The following BRINP3 variants were observed in gnomAD, a reference collection of about 807,000 sequenced individuals.
BRINP3 encodes BMP/retinoic acid inducible neural specific 3, also known as BMP/retinoic acid-inducible neural-specific protein 3.
BRINP3 carries 19 observed loss-of-function variants against 71.0 expected under a neutral mutation model. That is an observed-to-expected ratio of 0.27 (90% CI 0.19 to 0.39). BRINP3 has a LOEUF of 0.39. Ranked by LOEUF, BRINP3 falls within the 10% of genes least tolerant of loss-of-function variation. The pLI is 1.00. For synonymous variants in BRINP3, 380 were observed against 337.7 expected, an observed-to-expected ratio of 1.13 and a Z score of -1.37; for missense variants, 959 against 940.8, an observed-to-expected ratio of 1.02 and a Z score of -0.25.
At chr1:190,146,926 C>A (rs1655938518) in intron 7 of BRINP3, among the ~76,000 whole-genome samples, 1 of 151,884 alleles carries the variant, frequency 6.6e-6, no homozygotes, top group Non-Finnish European at 1.5e-5. Context: ...TTTTTCCATT[C>A]AGAAAACGAG....
chr1:190,159,955 G>C (rs1307658382), intron 7 of BRINP3, among the ~76,000 whole-genome samples: 1 of 151,822 alleles, frequency 6.6e-6, no homozygotes, highest in Admixed American at 6.6e-5. Context: ...TAAGCACCAA[G>C]TCAAAATTCA....
intron 7 of BRINP3, among the ~76,000 whole-genome samples, chr1:190,137,981 T>A (rs1655115679): frequency 6.7e-6 from 1 of 150,212 alleles, no homozygotes; most frequent in African/African-American, 2.5e-5. Context: ...TTAGATGGAG[T>A]TTTGCTCTTT....
intron 6 of BRINP3, among the ~76,000 whole-genome samples, chr1:190,208,405 G>A (rs1444153996): frequency 6.6e-6 from 1 of 152,046 alleles, no homozygotes; most frequent in Admixed American, 6.6e-5. Context: ...AAGCAGGTAA[G>A]GGTTTTCCTT....
At chr1:190,154,629 G>GA (rs1656705250) in intron 7 of BRINP3, among the ~76,000 whole-genome samples, 1 of 152,044 alleles carries the variant, frequency 6.6e-6, no homozygotes, top group Non-Finnish European at 1.5e-5. Context: ...AAAACAGAAA[G>GA]AAATGTTTTC....
intron 5 of BRINP3, among the ~76,000 whole-genome samples, chr1:190,229,577 G>C (rs1213495495): frequency 6.6e-6 from 1 of 151,136 alleles, no homozygotes; most frequent in Non-Finnish European, 1.5e-5. Context: ...CCATGACAGA[G>C]ATAGTAACTT....
At chr1:190,200,467 G>C (rs1388794246) in intron 6 of BRINP3, among the ~76,000 whole-genome samples, 1 of 152,068 alleles carries the variant, frequency 6.6e-6, no homozygotes, top group Non-Finnish European at 1.5e-5. Flanking sequence ...TGGTGTCAAA[G>C]AACCTCACTA....
intron 7 of BRINP3, among the ~76,000 whole-genome samples, chr1:190,155,768 T>C (rs969866115): frequency 2.6e-5 from 4 of 152,012 alleles, no homozygotes; most frequent in Non-Finnish European, 5.9e-5. Flanking sequence ...AGTATAGCAC[T>C]TCCCCCCTAG....
intron 7 of BRINP3, among the ~76,000 whole-genome samples, chr1:190,148,985 C>CTCTG (rs1656156085): frequency 6.6e-6 from 1 of 152,158 alleles, no homozygotes; most frequent in Admixed American, 6.5e-5. Context: ...TGGACTCTAG[C>CTCTG]TCTGCCACCA....
chr1:190,164,861 C>T (rs1370047853), intron 6 of BRINP3, among the ~76,000 whole-genome samples: 1 of 151,990 alleles, frequency 6.6e-6, no homozygotes, highest in Non-Finnish European at 1.5e-5. Context: ...GTATGACCTA[C>T]AGTGCCTGGC....
intron 2 of BRINP3, among the ~76,000 whole-genome samples, chr1:190,352,025 A>AT (rs912242648): frequency 2.0e-5 from 3 of 151,888 alleles, no homozygotes; most frequent in African/African-American, 7.2e-5. Flanking sequence ...GTAAATCTTT[A>AT]TTTTTTTCTG....
intron 6 of BRINP3, among the ~76,000 whole-genome samples, chr1:190,177,901 A>G (rs1358474125): frequency 6.6e-6 from 1 of 152,220 alleles, no homozygotes; most frequent in South Asian, 2.1e-4. Flanking sequence ...TGTACTGTAC[A>G]TGTACAAACT....
chr1:190,134,299 T>C (rs912213183), intron 7 of BRINP3, among the ~76,000 whole-genome samples: 2 of 152,056 alleles, frequency 1.3e-5, no homozygotes, highest in Non-Finnish European at 2.9e-5. Flanking sequence ...TGCAGATGCC[T>C]CGGCTTGGCA....
chr1:190,322,642 AC>A (rs1571744446), intron 2 of BRINP3, among the ~76,000 whole-genome samples: 1 of 152,010 alleles, frequency 6.6e-6, no homozygotes, highest in South Asian at 2.1e-4. Context: ...GGTTTGACAA[AC>A]CCTTGCCAAA....
At chr1:190,334,614 T>C (rs1667171112) in intron 2 of BRINP3, among the ~76,000 whole-genome samples, 2 of 151,920 alleles carry the variant, frequency 1.3e-5, no homozygotes, top group South Asian at 4.1e-4. Flanking sequence ...ATGACCCTTT[T>C]TGCATTCTAC....
At chr1:190,326,737 C>A (rs1341084197) in intron 2 of BRINP3, among the ~76,000 whole-genome samples, 6 of 152,076 alleles carry the variant, frequency 3.9e-5, no homozygotes, top group Admixed American at 2.6e-4. Flanking sequence ...AAATATTTTC[C>A]AGACAAACAA....
At chr1:190,128,858 G>A (rs1450782647) in intron 7 of BRINP3, among the ~76,000 whole-genome samples, 2 of 151,556 alleles carry the variant, frequency 1.3e-5, no homozygotes, top group Non-Finnish European at 3.0e-5. Context: ...AATTCTTCCT[G>A]ACTCAATTTA....
chr1:190,310,342 G>A (rs1665427666), intron 2 of BRINP3, among the ~76,000 whole-genome samples: 1 of 151,420 alleles, frequency 6.6e-6, no homozygotes, highest in Non-Finnish European at 1.5e-5. Flanking sequence ...AAGGCATACA[G>A]GCTTTCTGAA....
At chr1:190,426,869 A>G (rs911846598) in intron 2 of BRINP3, among the ~76,000 whole-genome samples, 8 of 151,838 alleles carry the variant, frequency 5.3e-5, no homozygotes, top group Admixed American at 1.3e-4. Context: ...ACTTTCTTTT[A>G]TATCTCTTGG....
intron 2 of BRINP3, among the ~76,000 whole-genome samples, chr1:190,364,728 A>G (rs184259042): frequency 6.6e-6 from 1 of 152,150 alleles, no homozygotes; most frequent in South Asian, 2.1e-4. Flanking sequence ...TCAATAAAAT[A>G]TAGTTGAACC....
Sources: allele counts gnomAD v4.1 joint callset (sites outside exome capture counted in the v4.1 genomes callset), GRCh38; gene constraint gnomAD v4.1.1; transcripts MANE v1.5; gene names NCBI Gene and HGNC (gene_info 2026-07-23, HGNC 2026-07-21).